The following AGMO variants were observed in gnomAD, a reference collection of about 807,000 sequenced individuals.
AGMO encodes the protein alkylglycerol monooxygenase, also known as glyceryl-ether monooxygenase.
AGMO carries 75 observed loss-of-function variants against 60.2 expected under a neutral mutation model. That is an observed-to-expected ratio of 1.25 (90% CI 1.03 to 1.51). The LOEUF (loss-of-function observed/expected upper bound fraction) is 1.51, where lower values mean the gene tolerates loss of function less well. Among genes scored for constraint, AGMO ranks in the 40% most tolerant of loss-of-function variants. The probability of loss-of-function intolerance (pLI) is 0.00; values close to 1 mark genes in which losing one functional copy is unlikely to be tolerated. For missense variants in AGMO, 763 were observed against 525.5 expected, an observed-to-expected ratio of 1.45 and a Z score of -4.42; for synonymous variants, 261 against 177.1, an observed-to-expected ratio of 1.47 and a Z score of -3.76.
intron 12 of AGMO, among the ~76,000 whole-genome samples, chr7:15,334,764 T>G (rs1781601072): frequency 6.6e-6 from 1 of 152,172 alleles, no homozygotes; most frequent in Non-Finnish European, 1.5e-5. Flanking sequence ...CTCCAACAAC[T>G]GACTGAAACC....
At chr7:15,287,197 A>T (rs1784122168) in intron 12 of AGMO, among the ~76,000 whole-genome samples, 1 of 152,158 alleles carries the variant, frequency 6.6e-6, no homozygotes, top group Admixed American at 6.5e-5. Flanking sequence ...TGTAATCAAA[A>T]ACCATGTACA....
chr7:15,354,614 C>T (rs561804674), intron 12 of AGMO, among the ~76,000 whole-genome samples: 5 of 139,790 alleles, frequency 3.6e-5, no homozygotes, highest in Non-Finnish European at 6.2e-5. Flanking sequence ...TTGAGAAAGA[C>T]TATACCCTTA....
chr7:15,371,176 TAATAC>T (rs943977076), intron 10 of AGMO, among the ~76,000 whole-genome samples: 11 of 152,132 alleles, frequency 7.2e-5, no homozygotes, highest in South Asian at 2.1e-4. Context: ...AAGAAAACAT[TAATAC>T]AATTAATCAA....
chr7:15,343,311 C>A (rs1232775767), intron 12 of AGMO, among the ~76,000 whole-genome samples: 1 of 152,072 alleles, frequency 6.6e-6, no homozygotes, highest in Non-Finnish European at 1.5e-5. Flanking sequence ...TATTTTAACT[C>A]AAGCTTTCAA....
At chr7:15,335,802 G>T (rs1781641114) in intron 12 of AGMO, among the ~76,000 whole-genome samples, 1 of 152,098 alleles carries the variant, frequency 6.6e-6, no homozygotes, top group Admixed American at 6.5e-5. Context: ...CCTTTCTTCA[G>T]TTGTGGTTTC....
chr7:15,274,313 A>T (rs1195089515), intron 12 of AGMO, among the ~76,000 whole-genome samples: 5 of 152,122 alleles, frequency 3.3e-5, no homozygotes, highest in Admixed American at 3.3e-4. Flanking sequence ...ATTTATTGAG[A>T]GTTTTTAGCA....
chr7:15,251,548 T>A (rs1204043531), intron 12 of AGMO, among the ~76,000 whole-genome samples: 2 of 152,208 alleles, frequency 1.3e-5, no homozygotes, highest in Non-Finnish European at 2.9e-5. Context: ...CTTGTGAAGT[T>A]AATGTTCTAA....
the AGMO span, among the ~76,000 whole-genome samples, chr7:15,131,202 G>A: frequency 6.6e-6 from 1 of 152,120 alleles, no homozygotes; most frequent in Non-Finnish European, 1.5e-5. Flanking sequence ...TTGTTGATCT[G>A]TAGAACAGTT....
intron 12 of AGMO, among the ~76,000 whole-genome samples, chr7:15,223,843 A>G (rs753549962): frequency 6.6e-6 from 1 of 151,566 alleles, no homozygotes; most frequent in Admixed American, 6.6e-5. Flanking sequence ...CAATTAATTA[A>G]TCCTTGACAA....
intron 10 of AGMO, among the ~76,000 whole-genome samples, chr7:15,378,929 C>A (rs2128570538): frequency 6.6e-6 from 1 of 152,050 alleles, no homozygotes; most frequent in East Asian, 1.9e-4. Flanking sequence ...CAGACCACAG[C>A]ACAATTAGAA....
intron 12 of AGMO, among the ~76,000 whole-genome samples, chr7:15,212,256 A>G (rs1329721571): frequency 7.8e-5 from 7 of 89,252 alleles, no homozygotes; most frequent in African/African-American, 3.6e-4. Flanking sequence ...GTACACACAC[A>G]CACACACACA....
chr7:15,450,500 T>C (rs1371980034), intron 3 of AGMO, among the ~76,000 whole-genome samples: 4 of 152,296 alleles, frequency 2.6e-5, no homozygotes, highest in South Asian at 2.1e-4. Context: ...AACATATTTA[T>C]GCTAGTGCTC....
At chr7:15,176,657 C>T in the AGMO span, among the ~76,000 whole-genome samples, 7 of 151,980 alleles carry the variant, frequency 4.6e-5, no homozygotes, top group South Asian at 4.1e-4. Flanking sequence ...CTTCACTAGA[C>T]TTAATTTATG....
chr7:15,245,776 C>A (rs1479252955), intron 12 of AGMO, among the ~76,000 whole-genome samples: 1 of 152,064 alleles, frequency 6.6e-6, no homozygotes, highest in Non-Finnish European at 1.5e-5. Flanking sequence ...ATTTGCCAAT[C>A]CAGAAATAGC....
intron 5 of AGMO, among the ~76,000 whole-genome samples, chr7:15,417,605 T>A (rs1440386936): frequency 6.6e-6 from 1 of 152,202 alleles, no homozygotes; most frequent in Admixed American, 6.5e-5. Flanking sequence ...GTTTGATGTG[T>A]GTTAAGTATC....
rs570252789 is a variant in AGMO, at chr7:15,556,424, C to A, written c.257+3717G>T. 3.9e-5 allele frequency among the ~76,000 whole-genome samples: 6 copies of A among 151,956 alleles called. No homozygotes were observed. In the East Asian group the frequency reaches 1.2e-3, roughly 29 times the overall value. Reference sequence around the variant, plus strand: ...TTGAAAATTTACCTACTTAAATTATCCCTCTAACCTATTGCAATTTGATTT... The same window carrying A: ...TTGAAAATTTACCTACTTAAATTATACCTCTAACCTATTGCAATTTGATTT... On this transcript the variant is annotated intron_variant, in intron 2 of 12. Transcript: ENST00000342526.
At chr7:15,253,627 C>T (rs185732516) in intron 12 of AGMO, among the ~76,000 whole-genome samples, 8 of 152,194 alleles carry the variant, frequency 5.3e-5, no homozygotes, top group African/African-American at 9.6e-5. Context: ...CATATGTCTA[C>T]ATGGTATAAA....
the AGMO span, among the ~76,000 whole-genome samples, chr7:15,188,755 G>C: frequency 1.2e-5 from 1 of 86,446 alleles, no homozygotes; most frequent in Non-Finnish European, 2.2e-5. Context: ...AGGTAATACA[G>C]TCTTTCAAAG....
At chr7:15,370,773 T>C (rs985503925) in intron 10 of AGMO, among the ~76,000 whole-genome samples, 11 of 152,176 alleles carry the variant, frequency 7.2e-5, no homozygotes, top group East Asian at 1.9e-4. Flanking sequence ...AAGTTCCTTA[T>C]AGATTTTGCA....
Sources: allele counts gnomAD v4.1 joint callset (sites outside exome capture counted in the v4.1 genomes callset), GRCh38; gene constraint gnomAD v4.1.1; transcripts MANE v1.5; gene names NCBI Gene and HGNC (gene_info 2026-07-23, HGNC 2026-07-21).